The following ASXL3 variants were observed in gnomAD, a reference collection of about 807,000 sequenced individuals.
ASXL3 encodes the protein ASXL transcriptional regulator 3, also known as putative Polycomb group protein ASXL3.
ASXL3 carries 34 observed loss-of-function variants against 170.6 expected under a neutral mutation model. The observed-to-expected ratio is 0.20, with a 90% CI of 0.15 to 0.27. The LOEUF (loss-of-function observed/expected upper bound fraction) is 0.27. Among genes scored for constraint, ASXL3 ranks in the 10% least tolerant of loss-of-function variants. The probability of loss-of-function intolerance (pLI) is 1.00; values close to 1 mark genes in which losing one functional copy is unlikely to be tolerated. For missense variants in ASXL3, 2,592 were observed against 2,695.3 expected (o/e 0.96, Z 0.85); for synonymous variants, 1,002 against 989.1 (o/e 1.01, Z -0.24).
At chr18:33,733,510 C>G (rs2067487822) in intron 9 of ASXL3, among the ~76,000 whole-genome samples, 1 of 152,174 alleles carries the variant, frequency 6.6e-6, no homozygotes, top group African/African-American at 2.4e-5. Flanking sequence ...CTCCACCTTT[C>G]CTGTGTGGTA....
intron 8 of ASXL3, among the ~76,000 whole-genome samples, chr18:33,728,726 C>A (rs2067390422): frequency 6.6e-6 from 1 of 152,146 alleles, no homozygotes; most frequent in African/African-American, 2.4e-5. Context: ...ATAAATATAT[C>A]TCAGATTTGT....
chr18:33,674,651 T>C (rs946338459), intron 7 of ASXL3, among the ~76,000 whole-genome samples: 2 of 150,396 alleles, frequency 1.3e-5, no homozygotes, highest in African/African-American at 4.9e-5. Context: ...GGAGTCTCGC[T>C]CTGTCGCTCC....
chr18:33,718,957 T>C (rs1476043118), intron 8 of ASXL3, among the ~76,000 whole-genome samples: 2 of 152,048 alleles, frequency 1.3e-5, no homozygotes, highest in East Asian at 3.9e-4. Flanking sequence ...CTCAGCTTGT[T>C]GAGAACTTTG....
At chr18:33,609,178 AT>A in intron 2 of ASXL3, 1 of 537,396 alleles carries the variant, frequency 1.9e-6, no homozygotes. Context: ...CAGGAGATTA[AT>A]TTTCTTCTTG....
chr18:33,660,989 C>T (rs944297860), intron 4 of ASXL3, among the ~76,000 whole-genome samples: 2 of 152,154 alleles, frequency 1.3e-5, no homozygotes, highest in African/African-American at 4.8e-5. Context: ...ACATGCAAGC[C>T]TGACTCTGAT....
chr18:33,702,084 G>GT (rs953854074), intron 8 of ASXL3, among the ~76,000 whole-genome samples: 8 of 151,942 alleles, frequency 5.3e-5, no homozygotes, highest in African/African-American at 1.4e-4. Context: ...TTGATGTTCC[G>GT]TATTTGGTGA....
At chr18:33,736,767 A>G (rs2067555489) in intron 10 of ASXL3, among the ~76,000 whole-genome samples, 1 of 152,190 alleles carries the variant, frequency 6.6e-6, no homozygotes, top group African/African-American at 2.4e-5. Context: ...TCTGGAGGCC[A>G]GGGTTTTCCT....
intron 4 of ASXL3, among the ~76,000 whole-genome samples, chr18:33,654,021 A>G (rs1229979327): frequency 1.3e-5 from 2 of 151,854 alleles, no homozygotes; most frequent in Admixed American, 6.6e-5. Flanking sequence ...TTTCCTCTTG[A>G]ACTGTGAACT....
At position 33,739,469 on chromosome 18, in the gene ASXL3, A is replaced by G. The variant is rs563644271; in HGVS notation, c.2065A>G (p.Ile689Val). The change falls in exon 11 of 12, where the codon ATA becomes GTA. Residue 689 changes from isoleucine (I) to valine (V), a missense_variant. Ile to Val is a conservative substitution (Grantham distance 29). This residue lies in a region of ASXL3 where 2,246 missense variants were observed against 2,219.6 expected (regional missense o/e 1.01). Coordinates refer to ENST00000269197, the MANE Select transcript of ASXL3 (RefSeq NM_030632.3). ...EISPISTSPE[I>V]SEASLMSNLP... ...ATCTCCAATATCCACTTCACCTGAA[A>G]TATCAGAAGCATCTCTTATGTCCAA... 3 of 1,613,990 alleles carry G rather than the reference A, an allele frequency of 1.9e-6. No individual in the cohort carries two copies.
chr18:33,648,683 G>GA (rs2065952490), intron 4 of ASXL3, among the ~76,000 whole-genome samples: 1 of 151,974 alleles, frequency 6.6e-6, no homozygotes, highest in African/African-American at 2.4e-5. Context: ...CCAAGGAACT[G>GA]AAGGTAAATA....
intron 2 of ASXL3, among the ~76,000 whole-genome samples, chr18:33,622,343 G>T (rs989243269): frequency 4.6e-5 from 7 of 152,208 alleles, no homozygotes; most frequent in South Asian, 2.1e-4. Flanking sequence ...ATTAAAACAT[G>T]CATTTGATAG....
chr18:33,698,992 C>A (rs1355793449), intron 8 of ASXL3, among the ~76,000 whole-genome samples: 1 of 152,108 alleles, frequency 6.6e-6, no homozygotes, highest in East Asian at 1.9e-4. Context: ...ACAGCCAAAT[C>A]TCTAACCAAG....
rs528548626 is a variant in ASXL3 at position 33,615,614 on chromosome 18, C to A, written c.137+7938C>A. 3.9e-5 allele frequency among the ~76,000 whole-genome samples: 6 copies of A among 152,256 alleles called. No homozygotes were observed. The East Asian group carries it at 1.2e-3, about 29-fold the overall frequency. On this transcript the variant is annotated intron_variant, in intron 2 of 11. Coordinates refer to ENST00000269197, the MANE Select transcript of ASXL3 (RefSeq NM_030632.3). ...TGTAAAAAATGCAATATCTGCGAAG[C>A]ATAATAAAGTGAAACACACAAAACA...
intron 5 of ASXL3, among the ~76,000 whole-genome samples, chr18:33,663,020 A>G (rs2066200679): frequency 6.6e-6 from 1 of 152,196 alleles, no homozygotes; most frequent in Admixed American, 6.5e-5. Flanking sequence ...TATTGAAGGT[A>G]GTAACAGTAT....
chr18:33,609,223 A>AT (rs2065296539), intron 2 of ASXL3, among the ~76,000 whole-genome samples: 1 of 151,978 alleles, frequency 6.6e-6, no homozygotes, highest in African/African-American at 2.4e-5. Flanking sequence ...TATTTATGAC[A>AT]TTTAGAAAGC....
chr18:33,700,466 A>G (rs930849317), intron 8 of ASXL3, among the ~76,000 whole-genome samples: 6 of 151,766 alleles, frequency 4.0e-5, no homozygotes, highest in Non-Finnish European at 4.4e-5. Flanking sequence ...TTTTTTCCCC[A>G]GGAAAGTAGA....
At chr18:33,589,228 C>CCTTA (rs1374615032) in intron 1 of ASXL3, among the ~76,000 whole-genome samples, 2 of 152,082 alleles carry the variant, frequency 1.3e-5, no homozygotes, top group African/African-American at 4.8e-5. Flanking sequence ...ATAATATCTA[C>CCTTA]CGTAAAGAGT....
At chr18:33,706,391 G>A (rs959924774) in intron 8 of ASXL3, among the ~76,000 whole-genome samples, 1 of 151,698 alleles carries the variant, frequency 6.6e-6, no homozygotes, top group Non-Finnish European at 1.5e-5. Context: ...TTGGGTCATA[G>A]AGTATGCATA....
chr18:33,720,385 A>T (rs1024164924), intron 8 of ASXL3, among the ~76,000 whole-genome samples: 1 of 152,114 alleles, frequency 6.6e-6, no homozygotes, highest in African/African-American at 2.4e-5. Context: ...ATTATAACAT[A>T]ACCTTATTTT....
Sources: gnomAD v4.1 joint callset for allele counts (sites outside exome capture counted in the v4.1 genomes callset) on GRCh38, gnomAD v4.1.1 for gene constraint, gnomAD v4.1.1 regional missense constraint, MANE v1.5 for transcripts, NCBI Gene and HGNC (gene_info 2026-07-23, HGNC 2026-07-21) for gene names.